TRPM1: variants seen among roughly 807,000 people sequenced by gnomAD.
TRPM1 encodes TRPM1-203 APA Isoform, Intron 10.
TRPM1 carries 113 observed loss-of-function variants against 149.4 expected under a neutral mutation model. The ratio of observed to expected loss-of-function variants is 0.76; its 90% CI spans 0.65 to 0.88. The LOEUF is 0.88. Among genes scored for constraint, TRPM1 ranks in the 40% least tolerant of loss-of-function variants. The pLI, the probability that TRPM1 is intolerant of heterozygous loss-of-function variation, is 0.00. For synonymous variants in TRPM1, 741 were observed against 759.5 expected (o/e 0.98, Z 0.40); for missense variants, 1,976 against 2,038.7 (o/e 0.97, Z 0.59).
chr15:31,041,428 G>T (rs529600603), intron 17 of TRPM1, among the ~76,000 whole-genome samples: 1 of 152,146 alleles, frequency 6.6e-6, no homozygotes, highest in Non-Finnish European at 1.5e-5. Context: ...GGGATTACAG[G>T]CATGAGCCAC....
At chr15:31,035,784 A>C in intron 20 of TRPM1, 110 bp from the exon 21 acceptor site, 1 of 1,485,434 alleles carries the variant, frequency 6.7e-7, no homozygotes, top group Non-Finnish European at 9.3e-7. Context: ...TTTGTTTCCA[A>C]CTGGACTGAC....
chr15:31,023,338 T>A (rs973112705), intron 27 of TRPM1, among the ~76,000 whole-genome samples: 8 of 152,112 alleles, frequency 5.3e-5, no homozygotes, highest in Admixed American at 2.6e-4. Context: ...ATACAGAGCA[T>A]GAAGGAGAAG....
intron 1 of TRPM1, among the ~76,000 whole-genome samples, chr15:31,088,965 C>A (rs1044857063): frequency 6.6e-6 from 1 of 152,178 alleles, no homozygotes; most frequent in Non-Finnish European, 1.5e-5. Context: ...GGCAGTGGGG[C>A]TCCCAGCACT....
chr15:31,034,885 C>A (rs1482715042), intron 21 of TRPM1, among the ~76,000 whole-genome samples: 2 of 152,126 alleles, frequency 1.3e-5, no homozygotes, highest in East Asian at 1.9e-4. Flanking sequence ...CTTTATTTTG[C>A]CTTGTGTTTT....
chr15:31,049,310 G>T, intron 13 of TRPM1, 65 bp downstream of exon 13: 2 of 1,609,978 alleles, frequency 1.2e-6, no homozygotes, highest in Non-Finnish European at 1.7e-6. Context: ...TGCACAATAT[G>T]CACCAGTGAC....
At position 31,026,191 on chromosome 15, in the gene TRPM1, CCTT is replaced by C; in HGVS notation, c.3574_3576del (p.Lys1192del). ...TCGCTGGACGACTGCTGCTCATCCT[CCTT>C]CTCCCGGAAGTGCTCCTGCACGCAC... On this transcript the variant is annotated inframe_deletion, in exon 27 of 28. Coordinates refer to ENST00000256552, the MANE Select transcript of TRPM1 (RefSeq NM_001252024.2). 1 of 1,612,522 alleles carries C rather than the reference CCTT, an allele frequency of 6.2e-7. No homozygotes were observed. Among genetic ancestry groups the C allele is most frequent in the Non-Finnish European group, 8.5e-7 (1 of 1,180,028 alleles).
chr15:31,025,327 T>C (rs1258549221), intron 27 of TRPM1, among the ~76,000 whole-genome samples: 1 of 152,166 alleles, frequency 6.6e-6, no homozygotes, highest in Non-Finnish European at 1.5e-5. Flanking sequence ...TCTCAAAACT[T>C]ACGTGATAAA....
At chr15:31,077,320 G>A (rs915094808) in intron 2 of TRPM1, among the ~76,000 whole-genome samples, 10 of 152,204 alleles carry the variant, frequency 6.6e-5, no homozygotes, top group African/African-American at 9.7e-5. Context: ...GAAATGGCAC[G>A]TTAGGGGTGT....
At chr15:31,116,084 C>T (rs1045561170) in intron 1 of TRPM1, among the ~76,000 whole-genome samples, 1 of 152,106 alleles carries the variant, frequency 6.6e-6, no homozygotes, top group African/African-American at 2.4e-5. Context: ...TTTGGGGTTG[C>T]ATTTCAATAA....
intron 23 of TRPM1, among the ~76,000 whole-genome samples, chr15:31,030,271 A>T (rs2033005545): frequency 6.6e-6 from 1 of 152,252 alleles, no homozygotes; most frequent in South Asian, 2.1e-4. Flanking sequence ...ATGATAAATC[A>T]CAACATGCAA....
chr15:31,056,851 G>A (rs2140948647), intron 11 of TRPM1, among the ~76,000 whole-genome samples: 2 of 152,296 alleles, frequency 1.3e-5, no homozygotes, highest in Middle Eastern at 6.8e-3. Context: ...GGACTTTCCA[G>A]TTTCTAGAAC....
At chr15:31,020,716 A>G (rs1023674097) in intron 27 of TRPM1, among the ~76,000 whole-genome samples, 2 of 152,284 alleles carry the variant, frequency 1.3e-5, no homozygotes, top group South Asian at 4.1e-4. Flanking sequence ...TTTCATTAGT[A>G]ATGCTCTGAC....
chr15:31,069,871 G>A (rs535119279), intron 4 of TRPM1, 160 bp downstream of exon 4: 329 of 1,586,388 alleles, frequency 2.1e-4, no homozygotes, highest in Non-Finnish European at 2.7e-4. Flanking sequence ...ATGGCTAAAA[G>A]CCATGTGCAC....
intron 1 of TRPM1, among the ~76,000 whole-genome samples, chr15:31,134,142 T>G (rs1341746946): frequency 6.6e-6 from 1 of 152,226 alleles, no homozygotes; most frequent in Non-Finnish European, 1.5e-5. Context: ...CAGGTTGGGC[T>G]GGGCTTAGCC....
At chr15:31,055,976 T>C (rs570674689) in intron 11 of TRPM1, among the ~76,000 whole-genome samples, 1 of 152,302 alleles carries the variant, frequency 6.6e-6, no homozygotes, top group East Asian at 1.9e-4. Flanking sequence ...TTCATATCCT[T>C]AGATATTGCA....
intron 1 of TRPM1, among the ~76,000 whole-genome samples, chr15:31,096,817 G>C (rs2035396032): frequency 6.6e-6 from 1 of 152,226 alleles, no homozygotes; most frequent in African/African-American, 2.4e-5. Context: ...TCCCTCACCA[G>C]AGTGCTCAGG....
At chr15:31,141,075 G>GC (rs929204761) in intron 1 of TRPM1, among the ~76,000 whole-genome samples, 1 of 151,024 alleles carries the variant, frequency 6.6e-6, no homozygotes, top group African/African-American at 2.4e-5. Context: ...CAAGCGATCC[G>GC]CCCCCCTCAG....
In TRPM1 at chr15:31,003,028, T is replaced by C. The variant is rs780940526; in HGVS notation, c.3672A>G (p.Arg1224=). The change falls in exon 28 of 28, where the codon AGA becomes AGG. Residue 1224 remains arginine (R), a synonymous_variant. Transcript: ENST00000256552. ...GCAGGGAAGTTTTCATAAAAGTTTC[T>C]CTTTCATTGATTTCTTCCAACCTCA... ...MSMRLEEINE[R]ETFMKTSLQT... The C allele has an allele frequency of 3.1e-6, 5 of 1,598,632 alleles. No homozygotes were observed. Among genetic ancestry groups the C allele is most frequent in the Admixed American group, 1.8e-5 (1 of 55,676 alleles).
At chr15:31,035,440 C>T in intron 21 of TRPM1, 106 bp downstream of exon 21, 1 of 1,527,482 alleles carries the variant, frequency 6.5e-7, no homozygotes, top group Admixed American at 1.7e-5. Flanking sequence ...GCCACCACGC[C>T]TGGCCCAACA....
Sources: gnomAD v4.1 joint callset for allele counts (sites outside exome capture counted in the v4.1 genomes callset) on GRCh38, gnomAD v4.1.1 for gene constraint, MANE v1.5 for transcripts, NCBI Gene and HGNC (gene_info 2026-07-23, HGNC 2026-07-21) for gene names.